PEBP4: variants seen among roughly 807,000 people sequenced by gnomAD.
The protein encoded by PEBP4 is phosphatidylethanolamine binding protein 4.
PEBP4 carries 22 observed loss-of-function variants against 23.9 expected under a neutral mutation model. That is an observed-to-expected ratio of 0.92 (90% CI 0.66 to 1.31). The LOEUF (loss-of-function observed/expected upper bound fraction) is 1.31. Among genes scored for constraint, PEBP4 ranks in the 40% most tolerant of loss-of-function variants. PEBP4 has a pLI of 0.00. For synonymous variants in PEBP4, 112 were observed against 99.3 expected (o/e 1.13, Z -0.76); for missense variants, 324 against 281.7 (o/e 1.15, Z -1.07).
intron 3 of PEBP4, among the ~76,000 whole-genome samples, chr8:22,895,196 T>A (rs1326623931): frequency 2.0e-5 from 3 of 152,228 alleles, no homozygotes; most frequent in Non-Finnish European, 4.4e-5. Context: ...CTGGATCATC[T>A]GGGTATGGTT....
At chr8:22,914,355 C>G (rs1027836894) in intron 3 of PEBP4, among the ~76,000 whole-genome samples, 1 of 152,138 alleles carries the variant, frequency 6.6e-6, no homozygotes, top group Non-Finnish European at 1.5e-5. Context: ...CTTGGGCTCC[C>G]AAAGTGCTGG....
At position 22,908,119 on chromosome 8, in the gene PEBP4, C is replaced by CA. The variant is rs530214554; in HGVS notation, c.258+12064_258+12065insT. 4.8e-3 allele frequency among the ~76,000 whole-genome samples: 728 copies of CA among 151,992 alleles called. 1 individual carries two copies. The highest frequency in any genetic ancestry group is 6.8e-3 in the Middle Eastern group (2 of 292). ...GGGGCAAGACTGAAGATGGAGCAGG[C>CA]TGGGGTTGGGAGTGGTGACTGGGTA... On this transcript the variant is annotated intron_variant, in intron 3 of 6. Transcript: ENST00000256404.
chr8:22,836,529 G>T (rs143508331), intron 3 of PEBP4, among the ~76,000 whole-genome samples: 15 of 152,366 alleles, frequency 9.8e-5, no homozygotes, highest in South Asian at 2.1e-4. Context: ...CCACTGTGCT[G>T]CCCAGTCCTC....
At chr8:22,930,199 C>T (rs1031122679), upstream of PEBP4, among the ~76,000 whole-genome samples, 4 of 152,272 alleles carry the variant, frequency 2.6e-5, no homozygotes, top group East Asian at 1.9e-4. Context: ...TTACCTCTGG[C>T]GGGTTCCTCA....
At chr8:22,830,720 A>T (rs1197325644) in intron 3 of PEBP4, among the ~76,000 whole-genome samples, 1 of 151,824 alleles carries the variant, frequency 6.6e-6, no homozygotes, top group African/African-American at 2.4e-5. Flanking sequence ...CTCCTTTTCC[A>T]ATCCACCGCC....
intron 4 of PEBP4, among the ~76,000 whole-genome samples, chr8:22,768,631 C>T (rs1805655369): frequency 6.6e-6 from 1 of 152,136 alleles, no homozygotes; most frequent in Non-Finnish European, 1.5e-5. Flanking sequence ...GGGGCCTCGG[C>T]CCAGTCAATA....
chr8:22,714,602 A>G (rs1804375550), intron 6 of PEBP4, among the ~76,000 whole-genome samples: 1 of 151,958 alleles, frequency 6.6e-6, no homozygotes, highest in East Asian at 1.9e-4. Context: ...CCTGGGGAAG[A>G]TCCTGTCCGG....
intron 1 of PEBP4, among the ~76,000 whole-genome samples, chr8:22,940,156 T>C (rs939853512): frequency 6.6e-6 from 1 of 152,236 alleles, no homozygotes; most frequent in African/African-American, 2.4e-5. Context: ...AGTCAATCTC[T>C]GGTTCCCCCT....
At chr8:22,715,200 A>C (rs766922295) in intron 6 of PEBP4, among the ~76,000 whole-genome samples, 4 of 152,198 alleles carry the variant, frequency 2.6e-5, no homozygotes, top group Non-Finnish European at 5.9e-5. Flanking sequence ...GTTCTTTTGC[A>C]GAAAGGGTGG....
chr8:22,885,000 G>C (rs561031508), intron 3 of PEBP4: 1 of 152,276 alleles, frequency 6.6e-6, no homozygotes, highest in East Asian at 1.9e-4. Flanking sequence ...TAACTATCAG[G>C]TTACATCTAT....
intron 3 of PEBP4, among the ~76,000 whole-genome samples, chr8:22,874,754 G>A (rs546397179): frequency 1.3e-5 from 2 of 152,212 alleles, no homozygotes; most frequent in East Asian, 1.9e-4. Context: ...CCTCAATAAC[G>A]CAGCGCTTCT....
intron 3 of PEBP4, among the ~76,000 whole-genome samples, chr8:22,820,753 G>A (rs962684990): frequency 2.6e-4 from 39 of 152,138 alleles, no homozygotes; most frequent in Non-Finnish European, 5.3e-4. Flanking sequence ...TAGGCCGTAA[G>A]GCATCTGAAA....
chr8:22,731,805 C>T (rs1261891933), intron 4 of PEBP4, among the ~76,000 whole-genome samples: 4 of 151,424 alleles, frequency 2.6e-5, no homozygotes, highest in African/African-American at 9.7e-5. Context: ...ACTACAGGTG[C>T]CTGCCATGGC....
intron 3 of PEBP4, chr8:22,887,221 T>G (rs1808400560): frequency 6.6e-6 from 1 of 152,008 alleles, no homozygotes; most frequent in South Asian, 2.1e-4. Flanking sequence ...CGATCTCAAC[T>G]CACTGCAACC....
intron 3 of PEBP4, among the ~76,000 whole-genome samples, chr8:22,836,601 C>T (rs758843137): frequency 2.0e-4 from 30 of 152,348 alleles, no homozygotes; most frequent in South Asian, 1.2e-3. Flanking sequence ...GGAACGCTCT[C>T]GCCTGGCTCA....
chr8:22,934,810 G>A (rs922694869), intron 1 of PEBP4, among the ~76,000 whole-genome samples: 2 of 152,194 alleles, frequency 1.3e-5, no homozygotes, highest in Non-Finnish European at 2.9e-5. Flanking sequence ...CAATGCCTCA[G>A]TCAAAAGTTA....
At chr8:22,725,960 T>C (rs1804615283) in intron 5 of PEBP4, among the ~76,000 whole-genome samples, 1 of 151,968 alleles carries the variant, frequency 6.6e-6, no homozygotes, top group Non-Finnish European at 1.5e-5. Context: ...TTCCTGACGA[T>C]TCATCTTTCC....
chr8:22,938,894 A>G (rs1457594602), intron 1 of PEBP4, among the ~76,000 whole-genome samples: 1 of 152,240 alleles, frequency 6.6e-6, no homozygotes, highest in Non-Finnish European at 1.5e-5. Flanking sequence ...TACATAAATA[A>G]GCACGCACAT....
At chr8:22,871,592 G>A (rs1054007307) in intron 3 of PEBP4, among the ~76,000 whole-genome samples, 1 of 122,922 alleles carries the variant, frequency 8.1e-6, no homozygotes, top group African/African-American at 3.2e-5. Flanking sequence ...GTCTCACTCT[G>A]TTGCCAGACT....
Sources: allele counts gnomAD v4.1 joint callset (sites outside exome capture counted in the v4.1 genomes callset), GRCh38; gene constraint gnomAD v4.1.1; transcripts MANE v1.5; gene names NCBI Gene and HGNC (gene_info 2026-07-23, HGNC 2026-07-21).